Variants in TDRD9 observed in about 807,000 individuals in gnomAD.
TDRD9 encodes ATP-dependent RNA helicase TDRD9.
Under a neutral mutation model 172.6 loss-of-function variants are expected in TDRD9, and 124 were observed. That is an observed-to-expected ratio of 0.72 (90% CI 0.62 to 0.83). The LOEUF is 0.83. Among genes scored for constraint, TDRD9 ranks in the 40% least tolerant of loss-of-function variants. TDRD9 has a pLI of 0.00. For synonymous variants in TDRD9, 619 were observed against 617.1 expected, an observed-to-expected ratio of 1.00 and a Z score of -0.05; for missense variants, 1,479 against 1,714.1, an observed-to-expected ratio of 0.86 and a Z score of 2.42.
intron 9 of TDRD9, among the ~76,000 whole-genome samples, chr14:103,992,924 CAAAAAA>C (rs35212615): frequency 6.8e-5 from 4 of 58,870 alleles, no homozygotes; most frequent in Non-Finnish European, 9.3e-5. Context: ...GACTCCATCT[CAAAAAA>C]AAAAAAAAAA....
chr14:104,002,404 C>T (rs189845618), intron 13 of TDRD9, among the ~76,000 whole-genome samples: 17 of 152,136 alleles, frequency 1.1e-4, no homozygotes, highest in African/African-American at 3.9e-4. Context: ...TGGTCTGCCC[C>T]TGAACTGGAA....
At chr14:104,030,501 G>A (rs1055833841) in intron 28 of TDRD9, among the ~76,000 whole-genome samples, 2 of 152,034 alleles carry the variant, frequency 1.3e-5, no homozygotes, top group African/African-American at 4.8e-5. Flanking sequence ...CAAAGCAAAC[G>A]AACAAACAAA....
At chr14:103,998,853 C>T (rs2034153873) in intron 13 of TDRD9, 125 bp downstream of exon 13, 11 of 554,806 alleles carry the variant, frequency 2.0e-5, no homozygotes, top group Non-Finnish European at 3.5e-5. Flanking sequence ...AAGGCAGTGG[C>T]GCGATCTCGG....
intron 28 of TDRD9, among the ~76,000 whole-genome samples, chr14:104,030,773 A>C (rs1214614986): frequency 6.6e-6 from 1 of 152,198 alleles, no homozygotes; most frequent in Non-Finnish European, 1.5e-5. Flanking sequence ...GTGGGAATTG[A>C]ACAATGAGAA....
intron 13 of TDRD9, among the ~76,000 whole-genome samples, chr14:104,000,210 C>T (rs961196727): frequency 6.6e-6 from 1 of 151,488 alleles, no homozygotes; most frequent in African/African-American, 2.4e-5. Context: ...TACCTGTGGT[C>T]CCAGCTACTC....
intron 13 of TDRD9, among the ~76,000 whole-genome samples, chr14:104,003,466 C>T (rs2034329245): frequency 6.6e-6 from 1 of 152,190 alleles, no homozygotes; most frequent in Non-Finnish European, 1.5e-5. Context: ...AAAACATTGC[C>T]AAGAGGCCTT....
chr14:104,029,742 GTGT>G (rs2035225416), intron 28 of TDRD9, among the ~76,000 whole-genome samples: 1 of 152,164 alleles, frequency 6.6e-6, no homozygotes, highest in African/African-American at 2.4e-5. Context: ...GGGCATCCTT[GTGT>G]TGTTCTTGTT....
intron 8 of TDRD9, among the ~76,000 whole-genome samples, chr14:103,987,117 A>AAT (rs374594027): frequency 0.34 from 45,294 of 134,624 alleles, 7,027 homozygotes; most frequent in Middle Eastern, 0.36. Flanking sequence ...CATCTCAAAA[A>AAT]ATATATACAC....
Position 103,955,701 on chromosome 14 carries a change from A to G in TDRD9, c.253A>G (p.Asn85Asp). The change falls in exon 2 of 36, where the codon AAC (asparagine) becomes GAC (aspartate). Residue 85 changes from asparagine to aspartate, a missense_variant. Coordinates refer to ENST00000409874, the MANE Select transcript of TDRD9 (RefSeq NM_153046.3). Reference protein sequence around the residue: ...SQRSSEVEYINKYRQLEAQEL... With the variant: ...SQRSSEVEYIDKYRQLEAQEL... ...AAGGAGCTCAGAAGTAGAGTATATT[A>G]ACAAATACAGACAGCTCGAAGCACA... 6.4e-7 allele frequency: 1 copy of G among 1,551,462 alleles called. No homozygotes were observed. Among genetic ancestry groups the G allele is most frequent in the East Asian group, 2.4e-5 (1 of 40,902 alleles).
chr14:103,986,229 C>A lies in TDRD9; in HGVS notation c.1024C>A (p.Leu342Ile). The A allele has an allele frequency of 6.2e-7, 1 of 1,612,496 alleles. No homozygotes were observed. Among genetic ancestry groups the A allele is most frequent in the Non-Finnish European group, 8.5e-7 (1 of 1,179,376 alleles). The change falls in exon 8 of 36, where the codon CTC (leucine) becomes ATC (isoleucine). Residue 342 changes from leucine to isoleucine, a missense_variant. Physicochemically the swap from Leu to Ile is conservative, Grantham distance 5. Transcript: ENST00000409874. Reference protein sequence around the residue: ...HIHHSKLSPHLLEEPVITKDI... With the variant: ...HIHHSKLSPHILEEPVITKDI... ...TCACTGTTTTTAGCTCTCTCCTCAT[C>A]TCCTGGAGGAACCGGTGATAACTAA...
chr14:103,952,087 A>T (rs188577590), intron 1 of TDRD9, among the ~76,000 whole-genome samples: 3,521 of 148,628 alleles, frequency 0.024, 75 homozygotes, highest in East Asian at 0.072. Flanking sequence ...AATATTTTTT[A>T]AAAAAAGTAG....
intron 1 of TDRD9, among the ~76,000 whole-genome samples, chr14:103,934,650 C>T (rs576116159): frequency 1.4e-4 from 21 of 152,238 alleles, no homozygotes; most frequent in African/African-American, 4.3e-4. Context: ...TGGTGGTGGG[C>T]GGGCGCCTGT....
intron 28 of TDRD9, among the ~76,000 whole-genome samples, chr14:104,030,414 C>CT (rs2035246657): frequency 6.6e-6 from 1 of 152,180 alleles, no homozygotes; most frequent in Non-Finnish European, 1.5e-5. Flanking sequence ...TTGCTTGAAC[C>CT]TGGGAGGTGG....
chr14:103,931,887 C>T (rs756459711), intron 1 of TDRD9, among the ~76,000 whole-genome samples: 8 of 152,030 alleles, frequency 5.3e-5, no homozygotes, highest in African/African-American at 9.7e-5. Context: ...TCGGAGGGGC[C>T]ACATGGAAAG....
At chr14:104,025,862 G>A (rs1198735327) in intron 26 of TDRD9, 86 bp downstream of exon 26, 2 of 1,236,556 alleles carry the variant, frequency 1.6e-6, no homozygotes, top group African/African-American at 1.5e-5. Flanking sequence ...ATAATTGTAG[G>A]TGGAAATTAA....
At chr14:104,026,245 A>G (rs1443231870) in intron 27 of TDRD9, 109 bp downstream of exon 27, 10 of 763,340 alleles carry the variant, frequency 1.3e-5, no homozygotes, top group Non-Finnish European at 2.2e-6. Context: ...AGGGGAGCCA[A>G]GGCCCAGGAC....
At position 103,955,744 on chromosome 14, in the gene TDRD9, G is replaced by T. The variant is rs753182841; in HGVS notation, c.296G>T (p.Arg99Leu). 39 of 1,550,930 alleles carry T rather than the reference G, an allele frequency of 2.5e-5. No individual in the cohort carries two copies. The highest frequency in any genetic ancestry group is 3.1e-5 in the Non-Finnish European group (35 of 1,146,712). Residue 99 changes from arginine (R) to leucine (L), a missense_variant, in exon 2 of 36, where the codon CGC becomes CTC. By Grantham distance (102) the Arg-to-Leu change is moderately radical (BLOSUM62 -2). Coordinates refer to ENST00000409874, the MANE Select transcript of TDRD9 (RefSeq NM_153046.3). ...QLEAQELDVC[R>L]SVQPTSGPGP... The stretch of plus-strand genomic sequence containing the variant: ...GAAGCACAAGAGCTTGATGTGTGTC[G>T]CAGTGTCCAACCAACCAGTGGGCCA...
intron 15 of TDRD9, 30 bp from the exon 16 acceptor site, chr14:104,006,359 T>C: frequency 6.2e-7 from 1 of 1,600,448 alleles, no homozygotes; most frequent in Admixed American, 1.7e-5. Context: ...AGTCAGTGCT[T>C]GATAATAACA....
chr14:103,971,326 A>G (rs1396911333), intron 6 of TDRD9, among the ~76,000 whole-genome samples: 2 of 150,654 alleles, frequency 1.3e-5, no homozygotes, highest in African/African-American at 2.5e-5. Flanking sequence ...TTATTTTGAG[A>G]TGGAGTCTCA....
Sources: gnomAD v4.1 joint callset for allele counts (sites outside exome capture counted in the v4.1 genomes callset) on GRCh38, gnomAD v4.1.1 for gene constraint, MANE v1.5 for transcripts, NCBI Gene and HGNC (gene_info 2026-07-23, HGNC 2026-07-21) for gene names.